FAT4: variants seen among roughly 807,000 people sequenced by gnomAD.
FAT4 encodes the protein protocadherin Fat 4.
Under a neutral mutation model 303.9 loss-of-function variants are expected in FAT4, and 84 were observed. The ratio of observed to expected loss-of-function variants is 0.28; its 90% CI spans 0.23 to 0.33. The LOEUF (loss-of-function observed/expected upper bound fraction) is 0.33, where lower values mean the gene tolerates loss of function less well. FAT4 is among the 10% of genes least tolerant of loss of function. The probability of loss-of-function intolerance (pLI) is 1.00; values close to 1 mark genes in which losing one functional copy is unlikely to be tolerated. For missense variants in FAT4, 6,005 were observed against 6,146.8 expected (o/e 0.98, Z 0.77); for synonymous variants, 2,307 against 2,298.8 (o/e 1.00, Z -0.10).
At chr4:125,386,541 A>T (rs1350266486) in intron 2 of FAT4, among the ~76,000 whole-genome samples, 1 of 152,186 alleles carries the variant, frequency 6.6e-6, no homozygotes, top group Non-Finnish European at 1.5e-5. Context: ...AAGTGCTGGG[A>T]TTATAGGTGT....
At chr4:125,409,535 C>T (rs1167064588) in intron 5 of FAT4, among the ~76,000 whole-genome samples, 1 of 152,146 alleles carries the variant, frequency 6.6e-6, no homozygotes, top group Non-Finnish European at 1.5e-5. Flanking sequence ...GGATTGCAGG[C>T]GTGAGCCACT....
chr4:125,416,417 T>C (rs778294580), intron 6 of FAT4, 31 bp from the exon 7 acceptor site: 16 of 1,555,524 alleles, frequency 1.0e-5, no homozygotes, highest in Non-Finnish European at 1.4e-5. Context: ...TTGTTTGTTT[T>C]ACTCACATCT....
chr4:125,390,587 C>T (rs1733941736), intron 2 of FAT4, among the ~76,000 whole-genome samples: 1 of 152,084 alleles, frequency 6.6e-6, no homozygotes, highest in African/African-American at 2.4e-5. Context: ...AGAGTTTTTC[C>T]TTGCTTAATT....
intron 14 of FAT4, 86 bp from the exon 15 acceptor site, chr4:125,479,655 C>A: frequency 1.6e-6 from 2 of 1,277,586 alleles, no homozygotes; most frequent in East Asian, 2.5e-5. Flanking sequence ...TGAAATTAAA[C>A]AAGCTAATAA....
At chr4:125,468,401 A>G (rs1181509304) in intron 11 of FAT4, 111 bp from the exon 12 acceptor site, 1 of 783,778 alleles carries the variant, frequency 1.3e-6, no homozygotes, top group Non-Finnish European at 1.8e-6. Flanking sequence ...TGGAAAGTAA[A>G]AAAAGTTGTT....
rs530571036 is a variant in FAT4, at chr4:125,352,458, G to C, written c.5175+30872G>C. On this transcript the variant is annotated intron_variant, in intron 2 of 17. Coordinates refer to ENST00000394329, the MANE Select transcript of FAT4 (RefSeq NM_001291303.3). ...TCAAAAAAATGTTTACACAGAATAG[G>C]TAATCACTAAATGTTTTGTCTGAAA... Among the ~76,000 whole-genome samples, 5 of 151,790 alleles carry C rather than the reference G, an allele frequency of 3.3e-5. No individual in the cohort carries two copies. The South Asian group carries it at 1.0e-3, about 31-fold the overall frequency.
At chr4:125,422,652 T>C (rs982405855) in intron 7 of FAT4, among the ~76,000 whole-genome samples, 49 of 152,172 alleles carry the variant, frequency 3.2e-4, no homozygotes, top group African/African-American at 1.1e-3. Flanking sequence ...CCTTTATAAA[T>C]TACCCAGTCT....
rs760514602 is a variant in FAT4 at position 125,449,352 on chromosome 4, C to A, written c.8342C>A (p.Ala2781Asp). 4 of 1,613,608 alleles carry A rather than the reference C, an allele frequency of 2.5e-6. No individual in the cohort carries two copies. The African/African-American group carries it at 5.3e-5, about 22-fold the overall frequency. The change falls in exon 10 of 18, where the codon GCC becomes GAC. Residue 2781 changes from alanine to aspartate, a missense_variant. By Grantham distance (126) the Ala-to-Asp change is moderately radical. Coordinates refer to ENST00000394329, the MANE Select transcript of FAT4 (RefSeq NM_001291303.3). The stretch of plus-strand genomic sequence containing the variant: ...CCTAGGTTTTCTCAGATATTTAGTG[C>A]CCATGTTCCTGAAAATTCCCCCTTA... ...NAPRFSQIFS[A>D]HVPENSPLGY...
intron 2 of FAT4, among the ~76,000 whole-genome samples, chr4:125,391,375 G>A (rs1338486594): frequency 6.6e-6 from 1 of 152,156 alleles, no homozygotes; most frequent in Non-Finnish European, 1.5e-5. Context: ...TCAGGGAAAT[G>A]GATGAAGCTG....
chr4:125,450,722 T>A lies in FAT4; in HGVS notation c.9712T>A (p.Ser3238Thr), dbSNP rs767708576. 1.2e-6 allele frequency: 2 copies of A among 1,614,094 alleles called. No individual in the cohort carries two copies. Among genetic ancestry groups the A allele is most frequent in the Admixed American group, 3.3e-5 (2 of 60,016 alleles). Reference sequence around the variant, plus strand: ...TGTGATTGCGTATACTGTACAGTCATCTGACAGTGACCTCTTTGTCATTGA... The same window carrying A: ...TGTGATTGCGTATACTGTACAGTCAACTGACAGTGACCTCTTTGTCATTGA... The part of the protein sequence containing the change: ...NAVIAYTVQS[S>T]DSDLFVIDPN... Residue 3238 changes from serine (S) to threonine (T), a missense_variant, in exon 10 of 18, where the codon TCT becomes ACT. Transcript: ENST00000394329.
chr4:125,370,266 G>T (rs1276789567), intron 2 of FAT4, among the ~76,000 whole-genome samples: 1 of 152,126 alleles, frequency 6.6e-6, no homozygotes, highest in African/African-American at 2.4e-5. Flanking sequence ...GTTTCATACT[G>T]TGTTAAGGGC....
chr4:125,358,041 C>A (rs1401785722), intron 2 of FAT4, among the ~76,000 whole-genome samples: 6 of 151,948 alleles, frequency 3.9e-5, no homozygotes, highest in African/African-American at 1.5e-4. Context: ...TTTAAGTAAG[C>A]CAGCTTGGGC....
chr4:125,317,420 G>A lies in FAT4; in HGVS notation c.1009G>A (p.Ala337Thr). ...AGGCGTGCCTTCCCTCACTGGGCGC[G>A]CCGAGGCGCTGATTCAGCTGCTGGA... Reference protein sequence around the residue: ...DRGVPSLTGRAEALIQLLDVN... With the variant: ...DRGVPSLTGRTEALIQLLDVN... The change falls in exon 2 of 18, where the codon GCC becomes ACC. Residue 337 changes from alanine (A) to threonine (T), a missense_variant. Physicochemically the swap from Ala to Thr is moderately conservative, Grantham distance 58. Transcript: ENST00000394329. This position sits in a 1 kb window ranked among gnomAD's most constrained non-coding sequence, Gnocchi z 7.0. 2 of 1,613,586 alleles carry A rather than the reference G, an allele frequency of 1.2e-6. No individual in the cohort carries two copies. The highest frequency in any genetic ancestry group is 1.7e-6 in the Non-Finnish European group (2 of 1,180,030).
At chr4:125,474,583 G>A (rs950890060) in intron 12 of FAT4, among the ~76,000 whole-genome samples, 2 of 151,714 alleles carry the variant, frequency 1.3e-5, no homozygotes, top group African/African-American at 4.8e-5. Flanking sequence ...AGAGTTTACT[G>A]TATAGAGCTT....
intron 8 of FAT4, among the ~76,000 whole-genome samples, chr4:125,441,013 C>A (rs1725644226): frequency 6.6e-6 from 1 of 152,088 alleles, no homozygotes; most frequent in African/African-American, 2.4e-5. Context: ...TAGTTCAGTT[C>A]ATAATTACAT....
chr4:125,315,563 T>C lies in FAT4; in HGVS notation c.-427T>C, dbSNP rs764764714. ...GCGTTCGATTTGGATGTACAAATAA[T>C]GGGTCGGCAGGCGCCCCGGCAGAGG... On this transcript the variant is annotated 5_prime_UTR_variant, in exon 1 of 18. It removes an upstream start codon present in the reference 5' UTR. Coordinates refer to ENST00000394329, the MANE Select transcript of FAT4 (RefSeq NM_001291303.3). Among the ~76,000 whole-genome samples, 2 of 152,124 alleles carry C rather than the reference T, an allele frequency of 1.3e-5. No individual in the cohort carries two copies. Among genetic ancestry groups the C allele is most frequent in the African/African-American group, 4.8e-5 (2 of 41,440 alleles).
intron 2 of FAT4, among the ~76,000 whole-genome samples, chr4:125,374,236 C>T (rs887845162): frequency 1.3e-5 from 2 of 152,118 alleles, no homozygotes; most frequent in Admixed American, 6.5e-5. Context: ...CTACATCCCT[C>T]GTTGTAAAAG....
chr4:125,446,150 C>T, intron 8 of FAT4, 143 bp from the exon 9 acceptor site: 1 of 649,348 alleles, frequency 1.5e-6, no homozygotes, highest in Non-Finnish European at 2.5e-6. Flanking sequence ...ATTAGCTAGA[C>T]TAGTTGTATT....
intron 8 of FAT4, among the ~76,000 whole-genome samples, chr4:125,434,954 C>T (rs1266574739): frequency 5.3e-5 from 8 of 152,198 alleles, no homozygotes; most frequent in Admixed American, 5.2e-4. Flanking sequence ...AAAGGTCAGA[C>T]TCAGATGTGC....
Sources: allele counts gnomAD v4.1 joint callset (sites outside exome capture counted in the v4.1 genomes callset), GRCh38; gene constraint gnomAD v4.1.1; non-coding constraint Gnocchi (gnomAD v3.1); transcripts MANE v1.5; gene names NCBI Gene and HGNC (gene_info 2026-07-23, HGNC 2026-07-21).